PTPRM: variants seen among roughly 807,000 people sequenced by gnomAD.
PTPRM encodes receptor-type tyrosine-protein phosphatase mu.
In PTPRM, 47 loss-of-function variants were observed where a neutral mutation model predicts 186.7. The ratio of observed to expected loss-of-function variants is 0.25; its 90% CI spans 0.20 to 0.32. The LOEUF (loss-of-function observed/expected upper bound fraction) is 0.32. Ranked by LOEUF, PTPRM falls within the 10% of genes least tolerant of loss-of-function variation. PTPRM has a pLI of 1.00. For missense variants in PTPRM, 1,494 were observed against 1,865.0 expected, an observed-to-expected ratio of 0.80 and a Z score of 3.66; for synonymous variants, 668 against 674.9, an observed-to-expected ratio of 0.99 and a Z score of 0.16.
At chr18:8,012,507 G>A (rs976772018) in intron 7 of PTPRM, among the ~76,000 whole-genome samples, 1 of 152,158 alleles carries the variant, frequency 6.6e-6, no homozygotes, top group Non-Finnish European at 1.5e-5. Flanking sequence ...ACCATAGAGT[G>A]CACATACACA....
At chr18:7,737,950 C>T (rs753287582) in intron 1 of PTPRM, among the ~76,000 whole-genome samples, 2 of 152,168 alleles carry the variant, frequency 1.3e-5, no homozygotes, top group African/African-American at 2.4e-5. Context: ...ATATAACATT[C>T]ATTAAATATT....
At chr18:8,223,861 T>A in intron 14 of PTPRM, among the ~76,000 whole-genome samples, 1 of 152,208 alleles carries the variant, frequency 6.6e-6, no homozygotes, top group Non-Finnish European at 1.5e-5. Flanking sequence ...GTATGTATAG[T>A]ATATACAAGG....
In PTPRM at chr18:7,705,246, G is replaced by C. The variant is rs996881874; in HGVS notation, c.74-68903G>C. Reference sequence around the variant, plus strand: ...GACCTACTTTTACAATAGCAAATAAGTATTTATATCTAAAATATTTGAAAA... The same window carrying C: ...GACCTACTTTTACAATAGCAAATAACTATTTATATCTAAAATATTTGAAAA... On this transcript the variant is annotated intron_variant, in intron 1 of 32. Transcript: ENST00000580170. Among the ~76,000 whole-genome samples the C allele has an allele frequency of 2.0e-5, 3 of 151,970 alleles. No homozygotes were observed. In the East Asian group the frequency reaches 5.8e-4, roughly 29 times the overall value.
chr18:7,607,285 T>C (rs759690146), intron 1 of PTPRM, among the ~76,000 whole-genome samples: 18 of 152,104 alleles, frequency 1.2e-4, no homozygotes, highest in Non-Finnish European at 1.6e-4. Flanking sequence ...TTACAGAAAT[T>C]CTCACTGCAA....
chr18:8,200,626 C>T (rs746130740), intron 14 of PTPRM, among the ~76,000 whole-genome samples: 21 of 152,310 alleles, frequency 1.4e-4, no homozygotes, highest in South Asian at 2.1e-4. Flanking sequence ...GTTCCAGCGG[C>T]GACAACACTA....
At chr18:7,799,170 T>G (rs1432360343) in intron 2 of PTPRM, among the ~76,000 whole-genome samples, 1 of 152,298 alleles carries the variant, frequency 6.6e-6, no homozygotes, top group Admixed American at 6.5e-5. Flanking sequence ...TTGTGTCTGG[T>G]GAAGGCTCAC....
At chr18:8,055,232 G>C (rs1168380496) in intron 7 of PTPRM, among the ~76,000 whole-genome samples, 2 of 151,992 alleles carry the variant, frequency 1.3e-5, no homozygotes, top group African/African-American at 4.8e-5. Flanking sequence ...TCTATTCCCT[G>C]TGTTCTACTT....
intron 14 of PTPRM, among the ~76,000 whole-genome samples, chr18:8,196,826 C>G (rs901722884): frequency 6.6e-6 from 1 of 152,110 alleles, no homozygotes; most frequent in Non-Finnish European, 1.5e-5. Flanking sequence ...TTGATGTCAC[C>G]TCAGGGCAGT....
At chr18:7,891,931 C>T (rs945243204) in intron 3 of PTPRM, among the ~76,000 whole-genome samples, 1 of 152,126 alleles carries the variant, frequency 6.6e-6, no homozygotes, top group African/African-American at 2.4e-5. Context: ...CAAGCTAGGC[C>T]TCCAGAGGTT....
At chr18:7,789,412 A>G (rs2043233130) in intron 2 of PTPRM, among the ~76,000 whole-genome samples, 1 of 152,196 alleles carries the variant, frequency 6.6e-6, no homozygotes, top group South Asian at 2.1e-4. Context: ...TGAGGTTAGC[A>G]AAGTTGATCA....
At chr18:7,696,667 G>T (rs935939137) in intron 1 of PTPRM, among the ~76,000 whole-genome samples, 2 of 152,196 alleles carry the variant, frequency 1.3e-5, no homozygotes. Flanking sequence ...TTTTGTTGTG[G>T]ACAACTTCAG....
intron 1 of PTPRM, among the ~76,000 whole-genome samples, chr18:7,654,372 C>T (rs752040086): frequency 2.4e-4 from 37 of 151,996 alleles, no homozygotes; most frequent in Admixed American, 1.7e-3. Flanking sequence ...TAGACCTTGG[C>T]GATGACCTTG....
chr18:8,134,356 A>T (rs1227108905), intron 13 of PTPRM, among the ~76,000 whole-genome samples: 1 of 152,160 alleles, frequency 6.6e-6, no homozygotes, highest in Non-Finnish European at 1.5e-5. Flanking sequence ...AGAGACTGTT[A>T]ATCACTAGAC....
intron 20 of PTPRM, among the ~76,000 whole-genome samples, chr18:8,299,048 T>C (rs2095127192): frequency 6.6e-6 from 1 of 151,816 alleles, no homozygotes; most frequent in Non-Finnish European, 1.5e-5. Flanking sequence ...GGCCCTGTAT[T>C]GATTGTTTCC....
At chr18:7,853,283 T>C (rs1386787696) in intron 2 of PTPRM, among the ~76,000 whole-genome samples, 6 of 152,256 alleles carry the variant, frequency 3.9e-5, no homozygotes, top group Non-Finnish European at 5.9e-5. Context: ...TTTTCTGTTA[T>C]CCTTATGTGA....
Position 7,768,222 on chromosome 18 carries a change from G to A in PTPRM, c.74-5927G>A, listed in dbSNP as rs79646102. Reference sequence around the variant, plus strand: ...GATTTCTAAAACATGTAGGATCTGCGCATGGTGGCTCATGCCTTAATCCTA... The same window carrying A: ...GATTTCTAAAACATGTAGGATCTGCACATGGTGGCTCATGCCTTAATCCTA... On this transcript the variant is annotated intron_variant, in intron 1 of 32. Coordinates refer to ENST00000580170, the MANE Select transcript of PTPRM (RefSeq NM_001105244.2). 1.7e-4 allele frequency among the ~76,000 whole-genome samples: 26 copies of A among 152,256 alleles called. No homozygotes were observed. In the East Asian group the frequency reaches 2.1e-3, roughly 12 times the overall value.
intron 23 of PTPRM, 41 bp downstream of exon 23, chr18:8,343,561 G>C (rs1363291779): frequency 6.3e-7 from 1 of 1,579,312 alleles, no homozygotes; most frequent in East Asian, 2.2e-5. Context: ...TTTGTTCCTT[G>C]CTTAGTTGGT....
chr18:8,089,886 G>C (rs1219867669), intron 11 of PTPRM, among the ~76,000 whole-genome samples: 1 of 152,134 alleles, frequency 6.6e-6, no homozygotes, highest in Non-Finnish European at 1.5e-5. Context: ...TCAGATTAGG[G>C]AAGAGTCACA....
chr18:8,129,728 G>A (rs1208682916), intron 13 of PTPRM, among the ~76,000 whole-genome samples: 5 of 152,172 alleles, frequency 3.3e-5, no homozygotes, highest in Non-Finnish European at 7.4e-5. Context: ...ATTCAGAATG[G>A]AAAGGAAGTC....
Sources: gnomAD v4.1 joint callset for allele counts (sites outside exome capture counted in the v4.1 genomes callset) on GRCh38, gnomAD v4.1.1 for gene constraint, MANE v1.5 for transcripts, NCBI Gene and HGNC (gene_info 2026-07-23, HGNC 2026-07-21) for gene names.